The following ANKRD11 variants were observed in gnomAD, a reference collection of about 807,000 sequenced individuals.
The protein encoded by ANKRD11 is ankyrin repeat domain 11.
In ANKRD11, 17 loss-of-function variants were observed where a neutral mutation model predicts 195.7. That is an observed-to-expected ratio of 0.09 (90% confidence interval 0.06 to 0.13). The LOEUF (loss-of-function observed/expected upper bound fraction) is 0.13, where lower values mean the gene tolerates loss of function less well. Ranked by LOEUF, ANKRD11 falls within the 10% of genes least tolerant of loss-of-function variation. The probability of loss-of-function intolerance (pLI) is 1.00; values close to 1 mark genes in which losing one functional copy is unlikely to be tolerated. For synonymous variants in ANKRD11, 1,953 were observed against 1,528.1 expected (o/e 1.28, Z -6.49); for missense variants, 3,735 against 3,566.1 (o/e 1.05, Z -1.21).
intron 1 of ANKRD11, among the ~76,000 whole-genome samples, chr16:89,476,528 G>T (rs145789532): frequency 3.6e-4 from 55 of 152,290 alleles, no homozygotes; most frequent in African/African-American, 1.2e-3. Context: ...CAGACCCAAC[G>T]CCTACGCTTG....
intron 1 of ANKRD11, among the ~76,000 whole-genome samples, chr16:89,434,285 TA>T (rs923853132): frequency 4.0e-5 from 6 of 151,628 alleles, no homozygotes; most frequent in East Asian, 1.9e-4. Context: ...AAATCTAATT[TA>T]AAAAAAAATC....
intron 1 of ANKRD11, among the ~76,000 whole-genome samples, chr16:89,484,776 G>T (rs1597560422): frequency 6.6e-6 from 1 of 152,098 alleles, no homozygotes; most frequent in Non-Finnish European, 1.5e-5. Context: ...CATGACAAAA[G>T]AAATTTTCAT....
intron 2 of ANKRD11, among the ~76,000 whole-genome samples, chr16:89,397,401 G>A (rs114271713): frequency 0.025 from 3,745 of 152,316 alleles, 161 homozygotes; most frequent in African/African-American, 0.086. Flanking sequence ...GAAGCTTTCC[G>A]TGTCCTCAGT....
intron 1 of ANKRD11, among the ~76,000 whole-genome samples, chr16:89,436,637 T>G (rs951090225): frequency 2.0e-5 from 3 of 152,212 alleles, no homozygotes; most frequent in African/African-American, 4.8e-5. Flanking sequence ...AGAGCTCTTC[T>G]TCCTGGAATA....
intron 2 of ANKRD11, among the ~76,000 whole-genome samples, chr16:89,407,798 C>T (rs1275646725): frequency 2.0e-5 from 3 of 146,618 alleles, no homozygotes; most frequent in South Asian, 2.1e-4. Context: ...TGCAATGAGC[C>T]GTGATCCGGC....
rs1476178903 is a variant in ANKRD11 at position 89,352,273 on chromosome 16, ATCTCAC to A, written c.-59-35201_-59-35196del. ...AGACAAGACTTGTCCTAAGGACTGG[ATCTCAC>A]AGTGGCCAGGTATGCATCACGCCAC... On this transcript the variant is annotated intron_variant, in intron 2 of 12. Coordinates refer to ENST00000301030, the MANE Select transcript of ANKRD11 (RefSeq NM_013275.6). 1.5e-4 allele frequency among the ~76,000 whole-genome samples: 23 copies of A among 152,098 alleles called. No homozygotes were observed. The East Asian group carries it at 3.3e-3, about 22-fold the overall frequency.
At chr16:89,460,082 A>T (rs2056598377) in intron 1 of ANKRD11, among the ~76,000 whole-genome samples, 1 of 151,984 alleles carries the variant, frequency 6.6e-6, no homozygotes, top group Non-Finnish European at 1.5e-5. Flanking sequence ...CTAAAAATAC[A>T]AAAGAATTAG....
chr16:89,434,967 T>G (rs1042887297), intron 1 of ANKRD11, among the ~76,000 whole-genome samples: 4 of 152,244 alleles, frequency 2.6e-5, no homozygotes, highest in African/African-American at 9.6e-5. Context: ...GTGTGAACAC[T>G]CAACTGCTGG....
chr16:89,441,767 CAAA>C (rs57747159), intron 1 of ANKRD11, among the ~76,000 whole-genome samples: 66 of 52,348 alleles, frequency 1.3e-3, no homozygotes, highest in African/African-American at 4.8e-3. Flanking sequence ...ACTCCGCCTA[CAAA>C]AAAAAAAAAA....
intron 3 of ANKRD11, among the ~76,000 whole-genome samples, chr16:89,316,126 G>A (rs1179697968): frequency 1.3e-5 from 2 of 152,108 alleles, no homozygotes; most frequent in African/African-American, 4.8e-5. Flanking sequence ...AGGATGGCAG[G>A]AGCTGACACA....
chr16:89,422,091 G>T (rs917163954), intron 1 of ANKRD11: 2 of 152,096 alleles, frequency 1.3e-5, no homozygotes, highest in African/African-American at 2.4e-5. Flanking sequence ...CTTTAAGTGG[G>T]TTATTTGCCA....
chr16:89,336,582 C>G (rs1425771327), intron 2 of ANKRD11, among the ~76,000 whole-genome samples: 2 of 152,200 alleles, frequency 1.3e-5, no homozygotes, highest in Admixed American at 6.5e-5. Context: ...GAACCCAGCA[C>G]TTCAATGAGA....
chr16:89,337,057 A>AC (rs2038398989), intron 2 of ANKRD11, among the ~76,000 whole-genome samples: 1 of 148,528 alleles, frequency 6.7e-6, no homozygotes, highest in Non-Finnish European at 1.5e-5. Flanking sequence ...GTGGTGGTGC[A>AC]CACCTGCAGT....
chr16:89,402,437 G>T (rs1418982745), intron 2 of ANKRD11, among the ~76,000 whole-genome samples: 2 of 152,104 alleles, frequency 1.3e-5, no homozygotes, highest in Non-Finnish European at 2.9e-5. Context: ...CCTAACACAT[G>T]AGGAAGCCGA....
At position 89,282,122 on chromosome 16, in the gene ANKRD11, CCTT is replaced by C. The variant is rs766136535; in HGVS notation, c.4417_4419del (p.Lys1473del). 4.3e-6 allele frequency: 7 copies of C among 1,614,110 alleles called. No individual in the cohort carries two copies. The highest frequency in any genetic ancestry group is 2.7e-5 in the African/African-American group (2 of 75,036). ...TCCGCATGCCTGTCCCGGTGCCTCT[CCTT>C]CTCGTCTCTCCATTTCTCCCTGTGT... On this transcript the variant is annotated inframe_deletion, in exon 9 of 13. Transcript: ENST00000301030.
At chr16:89,270,794 C>A (rs1399868641) in intron 12 of ANKRD11, 23 bp downstream of exon 12, 1 of 1,611,262 alleles carries the variant, frequency 6.2e-7, no homozygotes, top group Non-Finnish European at 8.5e-7. Context: ...CCAGGCAGAA[C>A]TGAGGGGACG....
intron 2 of ANKRD11, among the ~76,000 whole-genome samples, chr16:89,405,695 A>G (rs2041877609): frequency 6.6e-6 from 1 of 151,970 alleles, no homozygotes; most frequent in African/African-American, 2.4e-5. Context: ...TCTCACAGGG[A>G]CAATTCAGGA....
At position 89,281,052 on chromosome 16, in the gene ANKRD11, T is replaced by C; in HGVS notation, c.5490A>G (p.Glu1830=). 5 of 1,604,680 alleles carry C rather than the reference T, an allele frequency of 3.1e-6. No individual in the cohort carries two copies. The highest frequency in any genetic ancestry group is 4.3e-6 in the Non-Finnish European group (5 of 1,173,450). The change falls in exon 9 of 13, where the codon GAA becomes GAG. Residue 1830 remains glutamate (E), a synonymous_variant. Coordinates refer to ENST00000301030, the MANE Select transcript of ANKRD11 (RefSeq NM_013275.6). This position sits in a 1 kb window ranked among gnomAD's most constrained non-coding sequence, Gnocchi z 5.5. The part of the protein sequence containing the change: ...SYDSPMPPSM[E]DRAPLPPVPA... ...GAACCGGGGGCAGGGGCGCCCTGTC[T>C]TCCATCGAGGGTGGCATGGGAGAGT... is the stretch of plus-strand genomic sequence containing the variant.
At chr16:89,333,341 G>A (rs954251073) in intron 2 of ANKRD11, among the ~76,000 whole-genome samples, 5 of 152,222 alleles carry the variant, frequency 3.3e-5, no homozygotes, top group African/African-American at 1.2e-4. Flanking sequence ...GTGGCCGTTT[G>A]TTACAGCTGA....
Sources: gnomAD v4.1 joint callset for allele counts (sites outside exome capture counted in the v4.1 genomes callset) on GRCh38, gnomAD v4.1.1 for gene constraint, Gnocchi (gnomAD v3.1) non-coding constraint, MANE v1.5 for transcripts, NCBI Gene and HGNC (gene_info 2026-07-23, HGNC 2026-07-21) for gene names.